The following ZNF831 variants were observed in gnomAD, a reference collection of about 807,000 sequenced individuals.
ZNF831 encodes the protein chromosome 20 open reading frame 174.
In ZNF831, 59 loss-of-function variants were observed where a neutral mutation model predicts 95.8. The observed-to-expected ratio is 0.62, with a 90% CI of 0.50 to 0.77. ZNF831 has a LOEUF of 0.77. ZNF831 is among the 30% of genes least tolerant of loss of function. The pLI is 0.00. For missense variants in ZNF831, 2,205 were observed against 2,164.0 expected (o/e 1.02, Z -0.38); for synonymous variants, 961 against 925.5 (o/e 1.04, Z -0.70).
In ZNF831 at chr20:59,169,211, T is replaced by A. The variant is rs1322759196; in HGVS notation, c.-37+5004T>A. The stretch of plus-strand genomic sequence containing the variant: ...GAGCTTCAAAATTGCAAATTCAATC[T>A]GATAAATAGTTATAGTGTGATTCTC... On this transcript the variant is annotated intron_variant, in intron 1 of 5. Coordinates refer to ENST00000371030, the MANE Select transcript of ZNF831 (RefSeq NM_178457.3). The surrounding 1 kb of genome is among the most constrained non-coding windows in gnomAD (Gnocchi z 4.1). 2.0e-5 allele frequency among the ~76,000 whole-genome samples: 3 copies of A among 152,234 alleles called. No individual in the cohort carries two copies. The highest frequency in any genetic ancestry group is 1.3e-4 in the Admixed American group (2 of 15,280).
rs1420379294 is a variant in ZNF831, at chr20:59,148,434, C to A, written c.-1281+2060C>A. Among the ~76,000 whole-genome samples, 4 of 117,070 alleles carry A rather than the reference C, an allele frequency of 3.4e-5. No homozygotes were observed. In the South Asian group the frequency reaches 7.0e-4, roughly 21 times the overall value. 76.8% of individuals were successfully genotyped at this position (117,070 alleles called of 152,430 possible). A position where few individuals can be genotyped will look rare whatever the true frequency, so the allele number is the denominator to read the frequency against. ...CGGTGGCTCACGCCTGTAATCCCAG[C>A]ACTTTGGGAGGCCGAGACGGGCAGA... On this transcript the variant is annotated intron_variant, in intron 2 of 7. Transcript: ENST00000637017.
intron 4 of ZNF831, among the ~76,000 whole-genome samples, chr20:59,209,822 C>T (rs1208563375): frequency 1.3e-5 from 2 of 152,186 alleles, no homozygotes; most frequent in Non-Finnish European, 2.9e-5. Flanking sequence ...TGGCCTCTGC[C>T]TACATCTTCA....
At position 59,258,027 on chromosome 20, in the gene ZNF831, C is replaced by G. The variant is rs1243281697; in HGVS notation, c.*3284C>G. 2 of 152,178 alleles carry G rather than the reference C, an allele frequency of 1.3e-5. No homozygotes were observed. The highest frequency in any genetic ancestry group is 4.8e-5 in the African/African-American group (2 of 41,434). 9.4% of individuals were successfully genotyped at this position (152,178 alleles called of 1,614,324 possible). On this transcript the variant is annotated 3_prime_UTR_variant, in exon 6 of 6. Coordinates refer to ENST00000371030, the MANE Select transcript of ZNF831 (RefSeq NM_178457.3). ...AAGTCATGTGATTTTTGGTGGACAA[C>G]TGGAATCCTCCTTCTTGTAAAACAC...
At chr20:59,248,928 G>A (rs1195876544) in intron 4 of ZNF831, among the ~76,000 whole-genome samples, 3 of 151,914 alleles carry the variant, frequency 2.0e-5, no homozygotes, top group South Asian at 4.1e-4. Flanking sequence ...CCTCTCTCCC[G>A]AGTTTGGCTT....
intron 1 of ZNF831, among the ~76,000 whole-genome samples, chr20:59,185,194 A>G (rs1982918990): frequency 6.6e-6 from 1 of 152,104 alleles, no homozygotes; most frequent in South Asian, 2.1e-4. Flanking sequence ...AGTGAGCAAA[A>G]TTATCTGCAG....
chr20:59,181,104 T>G (rs1402687095), intron 1 of ZNF831, among the ~76,000 whole-genome samples: 1 of 152,398 alleles, frequency 6.6e-6, no homozygotes, highest in East Asian at 1.9e-4. Flanking sequence ...GTGGTTTTGA[T>G]TTGCATTTCT....
chr20:59,214,521 G>A (rs143447688), intron 4 of ZNF831, among the ~76,000 whole-genome samples: 12 of 152,316 alleles, frequency 7.9e-5, no homozygotes, highest in Middle Eastern at 3.4e-3. Context: ...GTCAAAGACC[G>A]TCCCTTCTAG....
rs1311672174 is a variant in ZNF831, at chr20:59,194,244, C to A, written c.3225C>A (p.Ile1075=). 1 of 1,614,008 alleles carries A rather than the reference C, an allele frequency of 6.2e-7. No individual in the cohort carries two copies. Among genetic ancestry groups the A allele is most frequent in the Admixed American group, 1.7e-5 (1 of 60,016 alleles). The change falls in exon 2 of 6, where the codon ATC becomes ATA. Residue 1075 remains isoleucine (I), a synonymous_variant. Transcript: ENST00000371030. Reference sequence around the variant, plus strand: ...ACATGGAGGGTGACAGCCACCGTATCCATCGCCTCTGCATGGGCAGCACTT... The same window carrying A: ...ACATGGAGGGTGACAGCCACCGTATACATCGCCTCTGCATGGGCAGCACTT... ...VQDMEGDSHR[I]HRLCMGSTLA... is the part of the protein sequence containing the mutation.
In ZNF831 at chr20:59,196,089, A is replaced by G. The variant is rs777296286; in HGVS notation, c.3875+84A>G. 5.4e-5 allele frequency: 82 copies of G among 1,531,784 alleles called. No individual in the cohort carries two copies. The Admixed American group carries it at 7.4e-4, about 14-fold the overall frequency. 94.9% of individuals were successfully genotyped at this position (1,531,784 alleles called of 1,614,324 possible). Reference sequence around the variant, plus strand: ...GATTTGAAAGGTATCCGTGTGCTCCAGAGAAAGAGTTCCTGTTTCCTAGGG... The same window carrying G: ...GATTTGAAAGGTATCCGTGTGCTCCGGAGAAAGAGTTCCTGTTTCCTAGGG... On this transcript the variant is annotated intron_variant, in intron 3 of 5. Coordinates refer to ENST00000371030, the MANE Select transcript of ZNF831 (RefSeq NM_178457.3).
intron 4 of ZNF831, among the ~76,000 whole-genome samples, chr20:59,211,490 T>C (rs1985329332): frequency 6.6e-6 from 1 of 152,212 alleles, no homozygotes; most frequent in South Asian, 2.1e-4. Flanking sequence ...CAGATCATGA[T>C]GGACACCATG....
At chr20:59,177,889 G>A (rs1338408525) in intron 1 of ZNF831, among the ~76,000 whole-genome samples, 3 of 152,208 alleles carry the variant, frequency 2.0e-5, no homozygotes, top group Non-Finnish European at 4.4e-5. Flanking sequence ...GGGAGGAGTA[G>A]CAAAGTGCCC....
In ZNF831 at chr20:59,225,942, C is replaced by T. The variant is rs561793538; in HGVS notation, c.4027+18886C>T. The stretch of plus-strand genomic sequence containing the variant: ...GGATCCAGGGATGTAAACAATGTGA[C>T]CAGGTCTCTGTTGATCCCTCTTCAA... On this transcript the variant is annotated intron_variant, in intron 4 of 5. Transcript: ENST00000371030. Among the ~76,000 whole-genome samples, 5 of 152,338 alleles carry T rather than the reference C, an allele frequency of 3.3e-5. No individual in the cohort carries two copies. The South Asian group carries it at 1.0e-3, about 32-fold the overall frequency.
intron 4 of ZNF831, among the ~76,000 whole-genome samples, chr20:59,244,147 C>T (rs147497413): frequency 1.4e-4 from 21 of 150,066 alleles, no homozygotes; most frequent in Non-Finnish European, 2.8e-4. Flanking sequence ...AAAGAGAAGA[C>T]GAATGAGAAC....
At position 59,193,059 on chromosome 20, in the gene ZNF831, C is replaced by A. The variant is rs1161190038; in HGVS notation, c.2040C>A (p.Val680=). Residue 680 remains valine, a synonymous_variant, in exon 2 of 6, where the codon GTC becomes GTA. Coordinates refer to ENST00000371030, the MANE Select transcript of ZNF831 (RefSeq NM_178457.3). The stretch of plus-strand genomic sequence containing the variant: ...CCACCCAAGACAGGAGGACCCCTGT[C>A]CATGAGGACATATCCGCAGGGGCAA... ...TVPTQDRRTP[V]HEDISAGATP... is the part of the protein sequence containing the mutation. The A allele has an allele frequency of 1.9e-6, 3 of 1,583,502 alleles. No homozygotes were observed. Among genetic ancestry groups the A allele is most frequent in the Non-Finnish European group, 2.6e-6 (3 of 1,165,470 alleles).
intron 4 of ZNF831, among the ~76,000 whole-genome samples, chr20:59,244,447 A>G (rs1421266944): frequency 1.3e-5 from 2 of 152,226 alleles, no homozygotes; most frequent in Admixed American, 1.3e-4. Flanking sequence ...TTCAGGTATA[A>G]TACACTTTGG....
intron 4 of ZNF831, among the ~76,000 whole-genome samples, chr20:59,213,858 G>A (rs984826186): frequency 9.9e-4 from 151 of 152,276 alleles, no homozygotes; most frequent in African/African-American, 3.4e-3. Context: ...CTCTGGGGAG[G>A]TAAAAGTAGT....
chr20:59,251,848 A>C (rs2146753634), intron 4 of ZNF831, among the ~76,000 whole-genome samples: 1 of 152,370 alleles, frequency 6.6e-6, no homozygotes, highest in Non-Finnish European at 1.5e-5. Flanking sequence ...TTCACAAGAA[A>C]GGCAACGTAA....
intron 4 of ZNF831, among the ~76,000 whole-genome samples, chr20:59,235,233 G>A (rs1370827518): frequency 3.3e-5 from 5 of 152,158 alleles, no homozygotes; most frequent in South Asian, 2.1e-4. Context: ...CAGGGTCCCC[G>A]CTGCCAACAT....
At chr20:59,223,000 G>C (rs941125172) in intron 4 of ZNF831, among the ~76,000 whole-genome samples, 6 of 152,172 alleles carry the variant, frequency 3.9e-5, no homozygotes, top group African/African-American at 9.7e-5. Context: ...CGCACCAGAC[G>C]ACCCCAGCCT....
Sources: gnomAD v4.1 joint callset for allele counts (sites outside exome capture counted in the v4.1 genomes callset) on GRCh38, gnomAD v4.1.1 for gene constraint, Gnocchi (gnomAD v3.1) non-coding constraint, MANE v1.5 for transcripts, NCBI Gene and HGNC (gene_info 2026-07-23, HGNC 2026-07-21) for gene names.